The following KLF12 variants were observed in gnomAD, a reference collection of about 807,000 sequenced individuals.
The protein encoded by KLF12 is Krueppel-like factor 12.
In KLF12, 9 loss-of-function variants were observed where a neutral mutation model predicts 37.8. The observed-to-expected ratio is 0.24, with a 90% CI of 0.14 to 0.42. The LOEUF (loss-of-function observed/expected upper bound fraction) is 0.42, where lower values mean the gene tolerates loss of function less well. Ranked by LOEUF, KLF12 falls within the 10% of genes least tolerant of loss-of-function variation. KLF12 has a pLI of 1.00. For synonymous variants in KLF12, 208 were observed against 202.1 expected, an observed-to-expected ratio of 1.03 and a Z score of -0.25; for missense variants, 411 against 516.0, an observed-to-expected ratio of 0.80 and a Z score of 1.97.
the KLF12 span, among the ~76,000 whole-genome samples, chr13:74,263,854 C>T: frequency 6.6e-6 from 1 of 152,290 alleles, no homozygotes; most frequent in East Asian, 1.9e-4. Context: ...AAATCTTGTC[C>T]TTCAGGGCTT....
At chr13:74,133,329 C>G (rs943048623) in intron 1 of KLF12, among the ~76,000 whole-genome samples, 7 of 151,858 alleles carry the variant, frequency 4.6e-5, no homozygotes, top group Non-Finnish European at 7.4e-5. Flanking sequence ...CCCCTCCCCC[C>G]CAAGTTCAGC....
the KLF12 span, among the ~76,000 whole-genome samples, chr13:74,229,894 T>A: frequency 6.6e-6 from 1 of 152,192 alleles, no homozygotes. Flanking sequence ...TTCTAAAATG[T>A]GACATGTTTC....
chr13:73,727,943 C>T (rs1300535202), intron 6 of KLF12, among the ~76,000 whole-genome samples: 3 of 152,114 alleles, frequency 2.0e-5, no homozygotes, highest in Non-Finnish European at 2.9e-5. Context: ...GTGATCCACC[C>T]GCCTCGGCCT....
In KLF12 at chr13:74,068,072, C is replaced by T. The variant is rs528330738; in HGVS notation, c.-32+65667G>A. On this transcript the variant is annotated intron_variant, in intron 1 of 7. Transcript: ENST00000377669. ...ACAGCTGGCTCCTCTCTGAGCAGAC[C>T]GAGTACCTCAGCTCCCATCAGCCAA... Among the ~76,000 whole-genome samples the T allele has an allele frequency of 8.5e-5, 13 of 152,286 alleles. No homozygotes were observed. The South Asian group carries it at 2.5e-3, about 29-fold the overall frequency.
chr13:73,827,253 C>T lies in KLF12; in HGVS notation c.671-13966G>A, dbSNP rs1419939588. Among the ~76,000 whole-genome samples, 3 of 152,172 alleles carry T rather than the reference C, an allele frequency of 2.0e-5. No individual in the cohort carries two copies. The East Asian group carries it at 5.8e-4, about 29-fold the overall frequency. On this transcript the variant is annotated intron_variant, in intron 4 of 7. Transcript: ENST00000377669. ...TTAAAAATATTCACTATTACAAATG[C>T]TGCTGTAACTTTCTTCATAGTATAC...
the KLF12 span, among the ~76,000 whole-genome samples, chr13:74,204,870 C>G: frequency 6.6e-6 from 1 of 152,072 alleles, no homozygotes; most frequent in South Asian, 2.1e-4. Flanking sequence ...TTCCTAGCAA[C>G]TTCTTTCTAG....
At chr13:74,031,994 T>C (rs1369752049) in intron 1 of KLF12, among the ~76,000 whole-genome samples, 1 of 152,142 alleles carries the variant, frequency 6.6e-6, no homozygotes, top group East Asian at 1.9e-4. Flanking sequence ...GGTGGGAAGC[T>C]AGGCTACACC....
intron 5 of KLF12, among the ~76,000 whole-genome samples, chr13:73,795,880 T>C (rs1478584830): frequency 6.6e-6 from 1 of 152,188 alleles, no homozygotes; most frequent in East Asian, 1.9e-4. Flanking sequence ...GAAGGAGAAC[T>C]TTTAAAGTTC....
the KLF12 span, among the ~76,000 whole-genome samples, chr13:74,285,347 T>C: frequency 6.6e-6 from 1 of 152,196 alleles, no homozygotes. Context: ...AGTTAAGCGA[T>C]TAGAGAAATG....
At chr13:73,730,855 G>A (rs1414837842) in intron 6 of KLF12, among the ~76,000 whole-genome samples, 1 of 152,118 alleles carries the variant, frequency 6.6e-6, no homozygotes, top group African/African-American at 2.4e-5. Flanking sequence ...GGATGACCAG[G>A]GCCACGTATG....
chr13:73,934,135 G>C (rs572419110), intron 3 of KLF12, among the ~76,000 whole-genome samples: 1 of 152,092 alleles, frequency 6.6e-6, no homozygotes, highest in African/African-American at 2.4e-5. Context: ...TCTTCTTTTA[G>C]ATAAATTGAG....
chr13:73,735,724 G>A (rs1467111049), intron 6 of KLF12, among the ~76,000 whole-genome samples: 1 of 152,182 alleles, frequency 6.6e-6, no homozygotes, highest in Admixed American at 6.5e-5. Flanking sequence ...CTTAGTAAAT[G>A]ATATCAAGCA....
At chr13:74,162,202 G>A in the KLF12 span, among the ~76,000 whole-genome samples, 1 of 152,286 alleles carries the variant, frequency 6.6e-6, no homozygotes, top group South Asian at 2.1e-4. Flanking sequence ...TGTAAAAGAC[G>A]TGAATGATGG....
chr13:73,906,725 G>A (rs1222550051), intron 3 of KLF12, among the ~76,000 whole-genome samples: 1 of 152,136 alleles, frequency 6.6e-6, no homozygotes, highest in African/African-American at 2.4e-5. Flanking sequence ...TCAAGTTGGT[G>A]AAAAATGATT....
chr13:74,043,483 G>A (rs1038076707), intron 1 of KLF12, among the ~76,000 whole-genome samples: 1 of 152,128 alleles, frequency 6.6e-6, no homozygotes, highest in Non-Finnish European at 1.5e-5. Flanking sequence ...ATGTTTCTGT[G>A]TGTGTGTGTA....
chr13:74,161,946 C>A, the KLF12 span, among the ~76,000 whole-genome samples: 2 of 152,144 alleles, frequency 1.3e-5, no homozygotes, highest in Admixed American at 1.3e-4. Flanking sequence ...ACTTAAATTG[C>A]TCCATTTTAA....
chr13:73,852,715 T>G (rs980612384), intron 3 of KLF12, among the ~76,000 whole-genome samples: 2 of 151,688 alleles, frequency 1.3e-5, no homozygotes, highest in Non-Finnish European at 2.9e-5. Flanking sequence ...AGGCAGAGGT[T>G]GTGGTGAGCC....
At chr13:74,003,013 C>T (rs1892321244) in intron 1 of KLF12, among the ~76,000 whole-genome samples, 1 of 152,158 alleles carries the variant, frequency 6.6e-6, no homozygotes. Flanking sequence ...TGACTAGGTA[C>T]TTTTACATAT....
At chr13:74,064,047 T>A (rs1873761679) in intron 1 of KLF12, among the ~76,000 whole-genome samples, 2 of 79,448 alleles carry the variant, frequency 2.5e-5, no homozygotes, top group Admixed American at 3.4e-4. Flanking sequence ...TTAAGATGGT[T>A]CCTCTAAAAG....
Sources: allele counts gnomAD v4.1 joint callset (sites outside exome capture counted in the v4.1 genomes callset), GRCh38; gene constraint gnomAD v4.1.1; transcripts MANE v1.5; gene names NCBI Gene and HGNC (gene_info 2026-07-23, HGNC 2026-07-21).